The following NLRP13 variants were observed in gnomAD, a reference collection of about 807,000 sequenced individuals.
The protein encoded by NLRP13 is NACHT, LRR and PYD domains-containing protein 13.
Under a neutral mutation model 94.4 loss-of-function variants are expected in NLRP13, and 82 were observed. The observed-to-expected ratio is 0.87, with a 90% CI of 0.73 to 1.04. The LOEUF (loss-of-function observed/expected upper bound fraction) is 1.04. NLRP13 is among the 50% of genes least tolerant of loss of function. NLRP13 has a pLI of 0.00. For synonymous variants in NLRP13, 553 were observed against 464.7 expected, an observed-to-expected ratio of 1.19 and a Z score of -2.45; for missense variants, 1,426 against 1,230.8, an observed-to-expected ratio of 1.16 and a Z score of -2.37.
In NLRP13 at chr19:55,902,120, G is replaced by A. The variant is rs1391769487; in HGVS notation, c.2704C>T (p.Leu902=). Residue 902 remains leucine, a synonymous_variant, in exon 9 of 11, where the codon CTG becomes TTG. Coordinates refer to ENST00000342929, the MANE Select transcript of NLRP13 (RefSeq NM_176810.2). ...TCGTCTCTCAGGCTGTTCTTGCTCA[G>A]ATTCAGGTGTGTCAGGCTCCTGTTC... The part of the protein sequence containing the change: ...LQNRSLTHLN[L]SKNSLRDEGV... 1 of 1,614,140 alleles carries A rather than the reference G, an allele frequency of 6.2e-7. No individual in the cohort carries two copies. The highest frequency in any genetic ancestry group is 8.5e-7 in the Non-Finnish European group (1 of 1,180,020).
intron 1 of NLRP13, among the ~76,000 whole-genome samples, chr19:55,929,080 A>G (rs1004169682): frequency 6.6e-6 from 1 of 152,252 alleles, no homozygotes; most frequent in Non-Finnish European, 1.5e-5. Flanking sequence ...ACAATGAGAT[A>G]CCATCTCACG....
At chr19:55,918,690 G>C (rs1986735959) in intron 4 of NLRP13, among the ~76,000 whole-genome samples, 1 of 151,958 alleles carries the variant, frequency 6.6e-6, no homozygotes, top group African/African-American at 2.4e-5. Flanking sequence ...TATAAATCCT[G>C]AACAGATCAA....
At position 55,923,916 on chromosome 19, in the gene NLRP13, G is replaced by T; in HGVS notation, c.521C>A (p.Ala174Glu). The change falls in exon 4 of 11, where the codon GCA (alanine) becomes GAA (glutamate). Residue 174 changes from alanine to glutamate, a missense_variant and splice_region_variant. By Grantham distance (107) the Ala-to-Glu change is moderately radical (BLOSUM62 -1). Transcript: ENST00000342929. ...TCAACATAAAGTAGTATACACACCT[G>T]CTTCCTCTAGCATCTCTGGTTCTTC... Reference protein sequence around the residue: ...NQEEPEMLEEADHRRKYRENM... With the variant: ...NQEEPEMLEEEDHRRKYRENM... 1.2e-6 allele frequency: 2 copies of T among 1,612,528 alleles called. No homozygotes were observed. Among genetic ancestry groups the T allele is most frequent in the Non-Finnish European group, 1.7e-6 (2 of 1,178,608 alleles).
chr19:55,914,877 A>G (rs1986637918), intron 4 of NLRP13, among the ~76,000 whole-genome samples: 1 of 152,238 alleles, frequency 6.6e-6, no homozygotes, highest in African/African-American at 2.4e-5. Flanking sequence ...TAGTGCTGCA[A>G]TGAACATGGG....
At position 55,911,828 on chromosome 19, in the gene NLRP13, A is replaced by G. The variant is rs1205941471; in HGVS notation, c.1989T>C (p.Leu663=). 1 of 1,614,170 alleles carries G rather than the reference A, an allele frequency of 6.2e-7. No homozygotes were observed. Among genetic ancestry groups the G allele is most frequent in the Non-Finnish European group, 8.5e-7 (1 of 1,180,010 alleles). ...KMLGRIFEVD[L]NILEDEELQA... ...GGAGTTCTTCGTCCTCCAAAATATT[A>G]AGGTCAACTTCAAAGATACGACCCA... The change falls in exon 5 of 11, where the codon CTT becomes CTC. Residue 663 remains leucine, a synonymous_variant. Coordinates refer to ENST00000342929, the MANE Select transcript of NLRP13 (RefSeq NM_176810.2).
chr19:55,923,403 A>G (rs1388656861), intron 4 of NLRP13, among the ~76,000 whole-genome samples: 2 of 152,226 alleles, frequency 1.3e-5, no homozygotes, highest in Non-Finnish European at 2.9e-5. Flanking sequence ...GCAAAGGCCA[A>G]GTAGTAGGTA....
At chr19:55,918,253 C>CAA (rs34099048) in intron 4 of NLRP13, among the ~76,000 whole-genome samples, 17 of 130,816 alleles carry the variant, frequency 1.3e-4, no homozygotes, top group South Asian at 2.4e-4. Context: ...TGTGATACAG[C>CAA]AAAAAAAAAA....
intron 4 of NLRP13, among the ~76,000 whole-genome samples, chr19:55,922,239 C>G (rs1456304489): frequency 1.3e-5 from 2 of 152,108 alleles, no homozygotes; most frequent in Non-Finnish European, 2.9e-5. Context: ...AGCTACAATT[C>G]AAGATGAGAT....
Position 55,924,636 on chromosome 19 carries a change from G to C in NLRP13, c.411C>G (p.Cys137Trp). The change falls in exon 3 of 11, where the codon TGC becomes TGG. Residue 137 changes from cysteine (C) to tryptophan (W), a missense_variant. Transcript: ENST00000342929. ...CTAGTTCTTCTTGGTTTGGATCTTGGCATCCCTGGGTCTGCATATTCCCTG... is the reference window on the plus strand; with the variant it reads ...CTAGTTCTTCTTGGTTTGGATCTTGCCATCCCTGGGTCTGCATATTCCCTG... ...AAAGNMQTQG[C>W]QDPNQEELDE... 1 of 1,613,202 alleles carries C rather than the reference G, an allele frequency of 6.2e-7. No individual in the cohort carries two copies. The highest frequency in any genetic ancestry group is 8.5e-7 in the Non-Finnish European group (1 of 1,179,552).
At chr19:55,925,461 G>C (rs891916538) in intron 1 of NLRP13, among the ~76,000 whole-genome samples, 1 of 152,146 alleles carries the variant, frequency 6.6e-6, no homozygotes, top group Non-Finnish European at 1.5e-5. Context: ...TGATTTATGC[G>C]TTATGTCTAT....
chr19:55,901,861 A>G (rs983874822), intron 9 of NLRP13, among the ~76,000 whole-genome samples, 174 bp downstream of exon 9: 2 of 151,968 alleles, frequency 1.3e-5, no homozygotes, highest in African/African-American at 2.4e-5. Flanking sequence ...ACACACACAC[A>G]TTCACGGTCC....
chr19:55,908,109 G>A (rs1986406257), intron 6 of NLRP13, among the ~76,000 whole-genome samples, 153 bp from the exon 7 acceptor site: 1 of 152,042 alleles, frequency 6.6e-6, no homozygotes. Context: ...CCATGGTACT[G>A]GACCTTGAAA....
chr19:55,909,540 G>GGA (rs1555815127), intron 6 of NLRP13, among the ~76,000 whole-genome samples: 1 of 146,244 alleles, frequency 6.8e-6, no homozygotes, highest in Non-Finnish European at 1.5e-5. Context: ...GGATCTCCAG[G>GGA]AAAAAAAAAA....
In NLRP13 at chr19:55,926,111, A is replaced by G. The variant is rs140198325; in HGVS notation, c.320-1076T>C. 5.3e-5 allele frequency among the ~76,000 whole-genome samples: 8 copies of G among 152,336 alleles called. No individual in the cohort carries two copies. The East Asian group carries it at 1.4e-3, about 26-fold the overall frequency. ...CCCTCTTCACTGGCTCTGTTTATCC[A>G]AAAGCCAACTGTTTGACATGTGGCA... On this transcript the variant is annotated intron_variant, in intron 1 of 10. Transcript: ENST00000342929.
At chr19:55,894,665 C>T (rs1049801077), downstream of NLRP13, among the ~76,000 whole-genome samples, 5 of 152,196 alleles carry the variant, frequency 3.3e-5, no homozygotes, top group African/African-American at 9.7e-5. Flanking sequence ...TTCATGACAA[C>T]AGAGATTGCT....
intron 4 of NLRP13, among the ~76,000 whole-genome samples, chr19:55,918,075 C>T (rs937078856): frequency 3.3e-5 from 5 of 151,898 alleles, no homozygotes; most frequent in Non-Finnish European, 7.4e-5. Flanking sequence ...TCTCAGACTA[C>T]AGTGAAATAA....
At chr19:55,930,686 CAAAAAAAAA>C (rs9304769) in intron 1 of NLRP13, among the ~76,000 whole-genome samples, 4 of 94,206 alleles carry the variant, frequency 4.2e-5, no homozygotes, top group Non-Finnish European at 8.1e-5. Context: ...AACTCCATCT[CAAAAAAAAA>C]AAAAAAAAAA....
At chr19:55,917,117 C>T (rs1986693658) in intron 4 of NLRP13, among the ~76,000 whole-genome samples, 1 of 152,042 alleles carries the variant, frequency 6.6e-6, no homozygotes, top group African/African-American at 2.4e-5. Context: ...TATCCTTCTA[C>T]AATAAGCTTT....
At chr19:55,929,771 A>G (rs1370158738) in intron 1 of NLRP13, among the ~76,000 whole-genome samples, 1 of 152,242 alleles carries the variant, frequency 6.6e-6, no homozygotes, top group Non-Finnish European at 1.5e-5. Context: ...CTTGAAGTAT[A>G]ATAAAAAAAT....
Sources: allele counts gnomAD v4.1 joint callset (sites outside exome capture counted in the v4.1 genomes callset), GRCh38; gene constraint gnomAD v4.1.1; transcripts MANE v1.5; gene names NCBI Gene and HGNC (gene_info 2026-07-23, HGNC 2026-07-21).